Variants in MINDY3 observed in about 807,000 individuals in gnomAD.
MINDY3 encodes ubiquitin carboxyl-terminal hydrolase MINDY-3.
Under a neutral mutation model 69.2 loss-of-function variants are expected in MINDY3, and 38 were observed. The ratio of observed to expected loss-of-function variants is 0.55; its 90% CI spans 0.42 to 0.72. The LOEUF (loss-of-function observed/expected upper bound fraction) is 0.72. Ranked by LOEUF, MINDY3 falls within the 30% of genes least tolerant of loss-of-function variation. MINDY3 has a pLI of 0.00. For synonymous variants in MINDY3, 192 were observed against 180.1 expected, an observed-to-expected ratio of 1.07 and a Z score of -0.53; for missense variants, 522 against 519.0, an observed-to-expected ratio of 1.01 and a Z score of -0.06.
chr10:15,855,105 C>T (rs576668190), intron 1 of MINDY3, among the ~76,000 whole-genome samples: 5 of 152,176 alleles, frequency 3.3e-5, no homozygotes, highest in South Asian at 4.1e-4. Context: ...GTGGGGCTTT[C>T]AGTTGGAAAT....
chr10:15,803,825 C>A (rs1838434059), intron 10 of MINDY3, among the ~76,000 whole-genome samples: 1 of 152,068 alleles, frequency 6.6e-6, no homozygotes, highest in African/African-American at 2.4e-5. Context: ...ATCCTACACT[C>A]CCCCACCACA....
At position 15,822,047 on chromosome 10, in the gene MINDY3, G is replaced by A. The variant is rs975960776; in HGVS notation, c.731-321C>T. ...CATGCCATTGTTGACAAAAATACAA[G>A]AAGAAAAAGAGACTCAATACCTATG... On this transcript the variant is annotated intron_variant, in intron 8 of 14. Transcript: ENST00000277632. 3.3e-5 allele frequency among the ~76,000 whole-genome samples: 5 copies of A among 152,164 alleles called. No individual in the cohort carries two copies. In the South Asian group the frequency reaches 6.2e-4, roughly 19 times the overall value.
chr10:15,823,205 T>G (rs1839885305), intron 8 of MINDY3, among the ~76,000 whole-genome samples: 1 of 152,160 alleles, frequency 6.6e-6, no homozygotes, highest in Non-Finnish European at 1.5e-5. Flanking sequence ...ATACATACAG[T>G]TTATACTTTG....
At chr10:15,857,361 T>C (rs779399603) in intron 1 of MINDY3, among the ~76,000 whole-genome samples, 10 of 152,134 alleles carry the variant, frequency 6.6e-5, no homozygotes, top group Non-Finnish European at 1.5e-4. Context: ...AACTCTGTAT[T>C]TCCTCATCTT....
intron 8 of MINDY3, among the ~76,000 whole-genome samples, chr10:15,827,574 A>G (rs937412665): frequency 3.4e-5 from 5 of 146,076 alleles, no homozygotes; most frequent in African/African-American, 1.0e-4. Flanking sequence ...ATAAATAAAT[A>G]AAAGCCTTGG....
intron 13 of MINDY3, among the ~76,000 whole-genome samples, chr10:15,782,657 T>G (rs927558295): frequency 6.6e-6 from 1 of 152,166 alleles, no homozygotes; most frequent in African/African-American, 2.4e-5. Flanking sequence ...TACCAATACT[T>G]CCAATTTGGC....
intron 1 of MINDY3, among the ~76,000 whole-genome samples, chr10:15,850,024 C>T (rs962588854): frequency 6.6e-6 from 1 of 152,106 alleles, no homozygotes; most frequent in Non-Finnish European, 1.5e-5. Flanking sequence ...GAATATAAAT[C>T]GTGAAGATTT....
chr10:15,847,978 A>G (rs1242913800), intron 1 of MINDY3, 35 bp from the exon 2 acceptor site: 2 of 1,523,356 alleles, frequency 1.3e-6, no homozygotes, highest in Non-Finnish European at 1.8e-6. Context: ...GATTAAAAAT[A>G]TAATTCAAGT....
At chr10:15,846,978 C>A (rs193111161) in intron 2 of MINDY3, among the ~76,000 whole-genome samples, 1 of 152,292 alleles carries the variant, frequency 6.6e-6, no homozygotes, top group Non-Finnish European at 1.5e-5. Context: ...CCACCTTGGC[C>A]TCCCAAAGTG....
At chr10:15,797,924 A>G (rs1034119914) in intron 10 of MINDY3, among the ~76,000 whole-genome samples, 1 of 152,064 alleles carries the variant, frequency 6.6e-6, no homozygotes, top group Non-Finnish European at 1.5e-5. Context: ...TTCTTTTTCA[A>G]TTGTCTCCGT....
chr10:15,825,015 G>A (rs1401016082), intron 8 of MINDY3, among the ~76,000 whole-genome samples: 1 of 152,144 alleles, frequency 6.6e-6, no homozygotes, highest in African/African-American at 2.4e-5. Flanking sequence ...AATACAGTGA[G>A]GATTTAATAT....
chr10:15,860,417 G>T lies in MINDY3; in HGVS notation c.-118C>A, dbSNP rs1369642084. 2.6e-6 allele frequency: 2 copies of T among 767,928 alleles called. No homozygotes were observed. Among genetic ancestry groups the T allele is most frequent in the African/African-American group, 3.5e-5 (2 of 57,472 alleles). The allele number at this position is 767,928 out of a possible 1,614,324, so 47.6% of individuals were successfully genotyped here. Reference sequence around the variant, plus strand: ...CGGCGGCAAACGAATTGGAAGGTGAGGCAGGAAAGAAGAAGGGGCTGAGAG... The same window carrying T: ...CGGCGGCAAACGAATTGGAAGGTGATGCAGGAAAGAAGAAGGGGCTGAGAG... On this transcript the variant is annotated 5_prime_UTR_variant, in exon 1 of 15. Coordinates refer to ENST00000277632, the MANE Select transcript of MINDY3 (RefSeq NM_024948.4).
chr10:15,860,354 G>A lies in MINDY3; in HGVS notation c.-55C>T. 1.5e-6 allele frequency: 2 copies of A among 1,323,596 alleles called. No individual in the cohort carries two copies. The highest frequency in any genetic ancestry group is 2.1e-6 in the Non-Finnish European group (2 of 937,324). The allele number at this position is 1,323,596 out of a possible 1,614,324, so 82.0% of individuals were successfully genotyped here. On this transcript the variant is annotated 5_prime_UTR_variant, in exon 1 of 15. Coordinates refer to ENST00000277632, the MANE Select transcript of MINDY3 (RefSeq NM_024948.4). ...TTGCGGACTCCTGCCCCGGAACATGGGGAAGGGGCAACTCCGGAAACAGCA... is the reference window on the plus strand; with the variant it reads ...TTGCGGACTCCTGCCCCGGAACATGAGGAAGGGGCAACTCCGGAAACAGCA...
chr10:15,805,368 T>A (rs1838563360), intron 10 of MINDY3, among the ~76,000 whole-genome samples: 1 of 152,272 alleles, frequency 6.6e-6, no homozygotes, highest in Non-Finnish European at 1.5e-5. Context: ...ATAGTTAATG[T>A]TACATTTTAA....
intron 8 of MINDY3, among the ~76,000 whole-genome samples, chr10:15,827,542 C>CAATA (rs142839462): frequency 0.029 from 4,250 of 148,696 alleles, 73 homozygotes; most frequent in African/African-American, 0.045. Flanking sequence ...GACTCCGTCT[C>CAATA]AATAAATAAA....
chr10:15,855,326 T>A (rs1320083977), intron 1 of MINDY3, among the ~76,000 whole-genome samples: 1 of 152,238 alleles, frequency 6.6e-6, no homozygotes, highest in Admixed American at 6.5e-5. Context: ...CTATGCTGAG[T>A]AGACTTCTCT....
intron 10 of MINDY3, among the ~76,000 whole-genome samples, chr10:15,805,173 G>A (rs991036835): frequency 6.6e-6 from 1 of 152,092 alleles, no homozygotes; most frequent in African/African-American, 2.4e-5. Context: ...TAACAAATCC[G>A]TCAAGCTTTT....
chr10:15,860,239 G>C lies in MINDY3; in HGVS notation c.61C>G (p.Leu21Val). 6.2e-7 allele frequency: 1 copy of C among 1,610,942 alleles called. No homozygotes were observed. ...CAGCGGCAGAAAATGGTGTCCGAGAGACCGGGGCTGCTCTTGGTGCCCCAC... is the reference window on the plus strand; with the variant it reads ...CAGCGGCAGAAAATGGTGTCCGAGACACCGGGGCTGCTCTTGGTGCCCCAC... ...LVWGTKSSPG[L>V]SDTIFCRWTQ... The change falls in exon 1 of 15, where the codon CTC becomes GTC. Residue 21 changes from leucine to valine, a missense_variant. Leu to Val is a conservative substitution (Grantham distance 32). Transcript: ENST00000277632.
At chr10:15,828,552 C>T (rs949315092) in intron 8 of MINDY3, among the ~76,000 whole-genome samples, 10 of 148,718 alleles carry the variant, frequency 6.7e-5, no homozygotes, top group East Asian at 1.9e-4. Context: ...GACATGCATA[C>T]GTGAGTATCT....
Sources: gnomAD v4.1 joint callset for allele counts (sites outside exome capture counted in the v4.1 genomes callset) on GRCh38, gnomAD v4.1.1 for gene constraint, MANE v1.5 for transcripts, NCBI Gene and HGNC (gene_info 2026-07-23, HGNC 2026-07-21) for gene names.